Variants in CNTNAP2 observed in about 807,000 individuals in gnomAD.
The protein encoded by CNTNAP2 is contactin associated protein 2, also known as contactin-associated protein-like 2.
Under a neutral mutation model 155.2 loss-of-function variants are expected in CNTNAP2, and 98 were observed. That is an observed-to-expected ratio of 0.63 (90% confidence interval 0.54 to 0.75). The LOEUF is 0.75. CNTNAP2 is among the 30% of genes least tolerant of loss of function. The pLI is 0.00. For synonymous variants in CNTNAP2, 651 were observed against 631.2 expected, an observed-to-expected ratio of 1.03 and a Z score of -0.47; for missense variants, 1,727 against 1,688.1, an observed-to-expected ratio of 1.02 and a Z score of -0.40.
At chr7:147,295,218 C>A (rs767821784) in intron 8 of CNTNAP2, among the ~76,000 whole-genome samples, 40 of 151,898 alleles carry the variant, frequency 2.6e-4, no homozygotes, top group Non-Finnish European at 5.6e-4. Flanking sequence ...GATGTGGTAG[C>A]AAATGGAAGT....
intron 1 of CNTNAP2, among the ~76,000 whole-genome samples, chr7:146,541,717 G>A (rs117236499): frequency 0.014 from 2,156 of 152,028 alleles, 23 homozygotes; most frequent in East Asian, 0.05. Flanking sequence ...CTCTCCCACT[G>A]CCAGCCATAC....
At chr7:147,952,311 GGA>G (rs1800949396) in intron 14 of CNTNAP2, among the ~76,000 whole-genome samples, 1 of 91,328 alleles carries the variant, frequency 1.1e-5, no homozygotes, top group Non-Finnish European at 2.3e-5. Flanking sequence ...GTGTGGTGGT[GGA>G]TGCCTGTAAT....
Position 147,962,828 on chromosome 7 carries a change from C to T in CNTNAP2, c.2256-15034C>T, listed in dbSNP as rs1801136894. Among the ~76,000 whole-genome samples the T allele has an allele frequency of 3.3e-5, 5 of 152,112 alleles. No homozygotes were observed. In the South Asian group the frequency reaches 1.0e-3, roughly 32 times the overall value. ...ACAATAAGTTAGGGAACTTGCCCAA[C>T]ATACAAAGAGGACATAGAAGGTAAA... is the stretch of plus-strand genomic sequence containing the variant. On this transcript the variant is annotated intron_variant, in intron 14 of 23. Coordinates refer to ENST00000361727, the MANE Select transcript of CNTNAP2 (RefSeq NM_014141.6).
intron 1 of CNTNAP2, among the ~76,000 whole-genome samples, chr7:146,396,137 A>C (rs1795623972): frequency 6.6e-6 from 1 of 152,138 alleles, no homozygotes; most frequent in Admixed American, 6.6e-5. Flanking sequence ...TGTATTAAAT[A>C]ATATTTCTAC....
chr7:147,709,925 A>C (rs1796377876), intron 13 of CNTNAP2, among the ~76,000 whole-genome samples: 1 of 152,000 alleles, frequency 6.6e-6, no homozygotes, highest in Non-Finnish European at 1.5e-5. Flanking sequence ...CTAGTTACTA[A>C]ATTATGTTTA....
chr7:147,601,727 T>A (rs935212152), intron 12 of CNTNAP2, among the ~76,000 whole-genome samples: 2 of 150,370 alleles, frequency 1.3e-5, no homozygotes, highest in African/African-American at 4.9e-5. Flanking sequence ...TTTCTTAATG[T>A]CTTTAAATAT....
intron 1 of CNTNAP2, among the ~76,000 whole-genome samples, chr7:146,556,028 T>C (rs1026996039): frequency 6.6e-6 from 1 of 152,202 alleles, no homozygotes; most frequent in South Asian, 2.1e-4. Flanking sequence ...TAAATAGCAA[T>C]GTCTAATTAT....
chr7:146,498,931 AGTATGATCTATG>A (rs1203754402), intron 1 of CNTNAP2, among the ~76,000 whole-genome samples: 12 of 152,342 alleles, frequency 7.9e-5, no homozygotes, highest in Non-Finnish European at 1.2e-4. Context: ...AAGATCAAGA[AGTATGATCTATG>A]GTGTCACATT....
chr7:147,029,019 A>AGTG (rs887208368), intron 3 of CNTNAP2, among the ~76,000 whole-genome samples: 3 of 133,488 alleles, frequency 2.2e-5, no homozygotes, highest in Non-Finnish European at 4.6e-5. Flanking sequence ...GCTGGAGGGC[A>AGTG]GTGGTGCGAT....
intron 10 of CNTNAP2, among the ~76,000 whole-genome samples, chr7:147,411,493 T>G (rs576731607): frequency 2.9e-4 from 44 of 152,324 alleles, no homozygotes; most frequent in African/African-American, 9.6e-4. Context: ...GTAAGATGTC[T>G]GAAATAGACA....
intron 8 of CNTNAP2, among the ~76,000 whole-genome samples, chr7:147,212,427 T>A (rs1337159102): frequency 6.6e-6 from 1 of 152,158 alleles, no homozygotes; most frequent in Non-Finnish European, 1.5e-5. Flanking sequence ...TGAAGTCATG[T>A]ACTTTGCTAC....
At chr7:147,680,552 A>G (rs1296367387) in intron 13 of CNTNAP2, among the ~76,000 whole-genome samples, 1 of 151,866 alleles carries the variant, frequency 6.6e-6, no homozygotes, top group African/African-American at 2.4e-5. Flanking sequence ...GGTCTACCCT[A>G]GTGTACACCC....
rs566960674 is a variant in CNTNAP2, at chr7:148,038,824, A to T, written c.2383+60835A>T. On this transcript the variant is annotated intron_variant, in intron 15 of 23. Transcript: ENST00000361727. Reference sequence around the variant, plus strand: ...GAGAGAGAAGCAATAGGATGGATGGATAGATGGATGGATGGATGGATGGAT... The same window carrying T: ...GAGAGAGAAGCAATAGGATGGATGGTTAGATGGATGGATGGATGGATGGAT... 7.8e-5 allele frequency among the ~76,000 whole-genome samples: 10 copies of T among 128,926 alleles called. No individual in the cohort carries two copies. In the East Asian group the frequency reaches 1.9e-3, roughly 25 times the overall value. The allele number at this position is 128,926 out of a possible 152,430, so 84.6% of individuals were successfully genotyped here.
At chr7:147,215,754 G>A (rs956010778) in intron 8 of CNTNAP2, among the ~76,000 whole-genome samples, 3 of 152,126 alleles carry the variant, frequency 2.0e-5, no homozygotes, top group Admixed American at 1.3e-4. Flanking sequence ...TTAATTTTAG[G>A]AGAAACTGCC....
In CNTNAP2 at chr7:146,572,930, A is replaced by G. The variant is rs553819015; in HGVS notation, c.98-201341A>G. On this transcript the variant is annotated intron_variant, in intron 1 of 23. Transcript: ENST00000361727. Reference sequence around the variant, plus strand: ...ATGGAAAAGAAAGAAAGGATTGTTTAACAAACTGGTGATATGGGTTTCTGT... The same window carrying G: ...ATGGAAAAGAAAGAAAGGATTGTTTGACAAACTGGTGATATGGGTTTCTGT... Among the ~76,000 whole-genome samples, 3 of 152,294 alleles carry G rather than the reference A, an allele frequency of 2.0e-5. No homozygotes were observed. In the East Asian group the frequency reaches 5.8e-4, roughly 29 times the overall value.
intron 1 of CNTNAP2, among the ~76,000 whole-genome samples, chr7:146,168,024 G>A (rs1474312312): frequency 1.3e-5 from 2 of 151,766 alleles, no homozygotes; most frequent in South Asian, 4.2e-4. Flanking sequence ...AATGCAGTAT[G>A]GGGAGAAAAA....
chr7:146,807,679 T>G (rs1333821954), intron 2 of CNTNAP2, among the ~76,000 whole-genome samples: 1 of 151,948 alleles, frequency 6.6e-6, no homozygotes, highest in South Asian at 2.1e-4. Context: ...TCCCATGACC[T>G]CTTTTCCCTC....
chr7:147,605,367 CG>C (rs1368172145), intron 12 of CNTNAP2, among the ~76,000 whole-genome samples: 2 of 151,912 alleles, frequency 1.3e-5, no homozygotes, highest in African/African-American at 4.8e-5. Context: ...AAAATGTGTT[CG>C]ATGACTGAAG....
At chr7:148,168,310 G>A (rs915254183) in intron 17 of CNTNAP2, among the ~76,000 whole-genome samples, 1 of 151,836 alleles carries the variant, frequency 6.6e-6, no homozygotes, top group Non-Finnish European at 1.5e-5. Context: ...TTGGAACCAA[G>A]CCAAATGTCC....
Sources: allele counts gnomAD v4.1 joint callset (sites outside exome capture counted in the v4.1 genomes callset), GRCh38; gene constraint gnomAD v4.1.1; transcripts MANE v1.5; gene names NCBI Gene and HGNC (gene_info 2026-07-23, HGNC 2026-07-21).